ATRNL1: variants seen among roughly 807,000 people sequenced by gnomAD.
ATRNL1 encodes the protein attractin like 1.
ATRNL1 carries 95 observed loss-of-function variants against 182.7 expected under a neutral mutation model. That is an observed-to-expected ratio of 0.52 (90% confidence interval 0.44 to 0.62). The LOEUF (loss-of-function observed/expected upper bound fraction) is 0.62. Ranked by LOEUF, ATRNL1 falls within the 20% of genes least tolerant of loss-of-function variation. The pLI is 0.00. For missense variants in ATRNL1, 1,471 were observed against 1,679.5 expected (o/e 0.88, Z 2.17); for synonymous variants, 576 against 568.3 (o/e 1.01, Z -0.19).
intron 26 of ATRNL1, among the ~76,000 whole-genome samples, chr10:115,706,136 A>G (rs1383906253): frequency 6.6e-6 from 1 of 151,908 alleles, no homozygotes; most frequent in Admixed American, 6.6e-5. Context: ...GCTGAAATCA[A>G]GGTCTCTGTA....
chr10:115,475,203 G>GT (rs1379097892), intron 24 of ATRNL1, among the ~76,000 whole-genome samples: 1 of 151,166 alleles, frequency 6.6e-6, no homozygotes, highest in South Asian at 2.1e-4. Context: ...TGTTTTTAAT[G>GT]TTTTTTTCAT....
chr10:115,148,007 G>A (rs1034357319), intron 5 of ATRNL1, among the ~76,000 whole-genome samples: 1 of 151,926 alleles, frequency 6.6e-6, no homozygotes. Context: ...AATGACTATG[G>A]TAGTTTGCAT....
chr10:115,267,813 A>G (rs538894813), intron 12 of ATRNL1, among the ~76,000 whole-genome samples: 7 of 152,184 alleles, frequency 4.6e-5, no homozygotes, highest in African/African-American at 1.7e-4. Context: ...TCACTCTGTC[A>G]CCCAGGCTGG....
At chr10:115,611,160 C>A (rs1555018904) in intron 26 of ATRNL1, among the ~76,000 whole-genome samples, 1 of 151,062 alleles carries the variant, frequency 6.6e-6, no homozygotes, top group Non-Finnish European at 1.5e-5. Context: ...TGTTTAATTG[C>A]CCGTGAAATT....
intron 19 of ATRNL1, among the ~76,000 whole-genome samples, chr10:115,386,034 C>T (rs552669544): frequency 1.9e-3 from 279 of 148,874 alleles, no homozygotes; most frequent in African/African-American, 6.3e-3. Context: ...CTTTTTTTTT[C>T]TTCATGTTTT....
Position 115,286,268 on chromosome 10 carries a change from C to A in ATRNL1, c.2286C>A (p.Val762=). 1 of 1,598,176 alleles carries A rather than the reference C, an allele frequency of 6.3e-7. No individual in the cohort carries two copies. Among genetic ancestry groups the A allele is most frequent in the South Asian group, 1.1e-5 (1 of 90,454 alleles). ...WSHIGDACLR[V]NSSRENYDNA... ...ATATTGGGGATGCTTGTCTTAGAGT[C>A]AATTCCAGTAGAGAAAACTATGACA... Residue 762 remains valine (V), a synonymous_variant, in exon 15 of 29, where the codon GTC becomes GTA. Coordinates refer to ENST00000355044, the MANE Select transcript of ATRNL1 (RefSeq NM_207303.4).
chr10:115,619,174 C>T (rs1190148574), intron 26 of ATRNL1, among the ~76,000 whole-genome samples: 1 of 152,040 alleles, frequency 6.6e-6, no homozygotes, highest in Non-Finnish European at 1.5e-5. Context: ...ACAGGGACAT[C>T]AGGCAGGCCA....
At position 115,180,108 on chromosome 10, in the gene ATRNL1, G is replaced by A. The variant is rs532950605; in HGVS notation, c.1348+8816G>A. On this transcript the variant is annotated intron_variant, in intron 8 of 28. Coordinates refer to ENST00000355044, the MANE Select transcript of ATRNL1 (RefSeq NM_207303.4). ...ACCTCCAAAGTGTATTTGATGGGAG[G>A]ATATTTATTTTTTTAAAAGCCCATT... is the stretch of plus-strand genomic sequence containing the variant. 2.6e-5 allele frequency among the ~76,000 whole-genome samples: 4 copies of A among 151,816 alleles called. No individual in the cohort carries two copies. The South Asian group carries it at 8.3e-4, about 32-fold the overall frequency.
At chr10:115,353,869 C>CT (rs1410940827) in intron 19 of ATRNL1, among the ~76,000 whole-genome samples, 1 of 152,194 alleles carries the variant, frequency 6.6e-6, no homozygotes, top group Non-Finnish European at 1.5e-5. Context: ...ATTCTGTACT[C>CT]TAACTTTTCC....
At chr10:115,872,051 A>G (rs1951598040) in intron 28 of ATRNL1, among the ~76,000 whole-genome samples, 1 of 152,176 alleles carries the variant, frequency 6.6e-6, no homozygotes. Context: ...TGTTTATCTA[A>G]GAAGCCATTA....
intron 26 of ATRNL1, among the ~76,000 whole-genome samples, chr10:115,667,452 A>G (rs1490524877): frequency 6.6e-6 from 1 of 152,104 alleles, no homozygotes; most frequent in Admixed American, 6.6e-5. Flanking sequence ...GGTCTGCTTA[A>G]GTCAGAACCT....
At chr10:115,484,566 C>T (rs1848928524) in intron 24 of ATRNL1, among the ~76,000 whole-genome samples, 1 of 151,328 alleles carries the variant, frequency 6.6e-6, no homozygotes, top group African/African-American at 2.4e-5. Context: ...TCTTATTTTC[C>T]CAATGAGTGC....
At chr10:115,695,249 T>A (rs1555049431) in intron 26 of ATRNL1, among the ~76,000 whole-genome samples, 1 of 152,166 alleles carries the variant, frequency 6.6e-6, no homozygotes, top group South Asian at 2.1e-4. Context: ...GAAGGAGAAT[T>A]TTTTTATGCT....
chr10:115,266,525 T>C (rs1851615804), intron 11 of ATRNL1, among the ~76,000 whole-genome samples: 1 of 151,568 alleles, frequency 6.6e-6, no homozygotes, highest in Admixed American at 6.6e-5. Flanking sequence ...CAATAAAACA[T>C]GTTTTGAAGA....
intron 25 of ATRNL1, 47 bp downstream of exon 25, chr10:115,519,371 T>G: frequency 6.9e-7 from 1 of 1,444,516 alleles, no homozygotes; most frequent in Non-Finnish European, 9.7e-7. Flanking sequence ...GCCTGTATTC[T>G]GATATATGTC....
intron 8 of ATRNL1, among the ~76,000 whole-genome samples, chr10:115,184,295 C>T (rs114462237): frequency 3.2e-4 from 48 of 151,384 alleles, no homozygotes; most frequent in African/African-American, 1.2e-3. Context: ...GGGAAATAAG[C>T]ATTTCTATTC....
At chr10:115,924,085 T>G (rs1164953709) in intron 28 of ATRNL1, among the ~76,000 whole-genome samples, 2 of 152,202 alleles carry the variant, frequency 1.3e-5, no homozygotes, top group African/African-American at 4.8e-5. Context: ...ACTTTGCCAC[T>G]TTTTTATGGG....
intron 26 of ATRNL1, among the ~76,000 whole-genome samples, chr10:115,587,475 T>A (rs1855615505): frequency 6.6e-6 from 1 of 151,908 alleles, no homozygotes; most frequent in African/African-American, 2.4e-5. Context: ...GCCGTTGTTT[T>A]AGCCCGTCGG....
intron 21 of ATRNL1, among the ~76,000 whole-genome samples, chr10:115,435,779 A>G (rs1554964710): frequency 1.3e-5 from 2 of 152,220 alleles, no homozygotes; most frequent in African/African-American, 4.8e-5. Context: ...TACATAGTAT[A>G]AAATTATCTC....
Sources: gnomAD v4.1 joint callset for allele counts (sites outside exome capture counted in the v4.1 genomes callset) on GRCh38, gnomAD v4.1.1 for gene constraint, MANE v1.5 for transcripts, NCBI Gene and HGNC (gene_info 2026-07-23, HGNC 2026-07-21) for gene names.